The following SORT1 variants were observed in gnomAD, a reference collection of about 807,000 sequenced individuals.
SORT1 encodes the protein sortilin.
Under a neutral mutation model 101.7 loss-of-function variants are expected in SORT1, and 39 were observed. That is an observed-to-expected ratio of 0.38 (90% CI 0.30 to 0.50). The LOEUF is 0.50. Among genes scored for constraint, SORT1 ranks in the 20% least tolerant of loss-of-function variants. The probability of loss-of-function intolerance (pLI) is 0.90; values close to 1 mark genes in which losing one functional copy is unlikely to be tolerated. For synonymous variants in SORT1, 396 were observed against 393.7 expected (o/e 1.01, Z -0.07); for missense variants, 878 against 1,040.4 (o/e 0.84, Z 2.15).
intron 1 of SORT1, among the ~76,000 whole-genome samples, chr1:109,372,849 A>C (rs1651571053): frequency 6.6e-6 from 1 of 151,178 alleles, no homozygotes; most frequent in African/African-American, 2.4e-5. Context: ...CAGTGAGCCG[A>C]GAGCGCGCCA....
chr1:109,328,413 G>A (rs962103376), intron 11 of SORT1, among the ~76,000 whole-genome samples: 1 of 152,098 alleles, frequency 6.6e-6, no homozygotes, highest in Admixed American at 6.6e-5. Context: ...TAAAATAGTA[G>A]CCACCCTAAT....
intron 9 of SORT1, among the ~76,000 whole-genome samples, chr1:109,341,750 T>G (rs570477137): frequency 2.6e-5 from 4 of 152,200 alleles, no homozygotes; most frequent in African/African-American, 9.7e-5. Context: ...TCTGTACTTA[T>G]CTGGTAACAG....
intron 1 of SORT1, among the ~76,000 whole-genome samples, chr1:109,385,850 A>G (rs1247835857): frequency 6.6e-6 from 1 of 152,050 alleles, no homozygotes; most frequent in African/African-American, 2.4e-5. Context: ...TGTGGTTACT[A>G]TTTTTCTTCT....
chr1:109,348,068 T>C (rs1472165286), intron 6 of SORT1, among the ~76,000 whole-genome samples: 1 of 152,226 alleles, frequency 6.6e-6, no homozygotes, highest in Non-Finnish European at 1.5e-5. Flanking sequence ...TCCTACTATA[T>C]AAATTAGCTT....
At chr1:109,374,918 G>C (rs11102976) in intron 1 of SORT1, among the ~76,000 whole-genome samples, 106,160 of 152,116 alleles carry the variant, frequency 0.7, 37,613 homozygotes, top group East Asian at 0.96. Context: ...AAGATTGCAC[G>C]ACTGAACTCC....
chr1:109,377,786 G>T (rs999865688), intron 1 of SORT1, among the ~76,000 whole-genome samples: 1 of 152,246 alleles, frequency 6.6e-6, no homozygotes, highest in African/African-American at 2.4e-5. Context: ...AAGGCAATGA[G>T]AGAAGGCAGC....
chr1:109,353,967 C>T (rs1301162906), intron 5 of SORT1, among the ~76,000 whole-genome samples: 2 of 152,172 alleles, frequency 1.3e-5, no homozygotes, highest in South Asian at 2.1e-4. Context: ...GTTTTATAAA[C>T]TGAGGACATA....
intron 3 of SORT1, among the ~76,000 whole-genome samples, 172 bp from the exon 4 acceptor site, chr1:109,355,641 A>G (rs186408046): frequency 1.2e-5 from 1 of 84,102 alleles, no homozygotes; most frequent in Non-Finnish European, 2.3e-5. Context: ...AGAACATTCC[A>G]CCCGCCCCCC....
chr1:109,314,094 A>G lies in SORT1; in HGVS notation c.2482-37T>C, dbSNP rs561769514. 3.7e-6 allele frequency: 6 copies of G among 1,613,776 alleles called. No homozygotes were observed. The East Asian group carries it at 6.7e-5, about 18-fold the overall frequency. On this transcript the variant is annotated intron_variant, in intron 19 of 19. Transcript: ENST00000256637. Reference sequence around the variant, plus strand: ...ATGCACCATATTACCGACAGACCACAACACTCCTATTTCAAAAGCAATCAC... The same window carrying G: ...ATGCACCATATTACCGACAGACCACGACACTCCTATTTCAAAAGCAATCAC...
At position 109,363,222 on chromosome 1, in the gene SORT1, T is replaced by C. The variant is rs188131273; in HGVS notation, c.440+4186A>G. Among the ~76,000 whole-genome samples the C allele has an allele frequency of 1.7e-4, 26 of 152,322 alleles. No individual in the cohort carries two copies. In the East Asian group the frequency reaches 4.4e-3, roughly 26 times the overall value. On this transcript the variant is annotated intron_variant, in intron 3 of 19. Transcript: ENST00000256637. ...CTAAGTACATTATACAATGAAAAGT[T>C]GGACTCAAGACATCATAAAACAAAA...
chr1:109,332,532 T>A (rs974353215), intron 11 of SORT1, among the ~76,000 whole-genome samples: 1 of 152,150 alleles, frequency 6.6e-6, no homozygotes, highest in Non-Finnish European at 1.5e-5. Context: ...ATTATTCCAC[T>A]GGACCCCAGT....
intron 15 of SORT1, among the ~76,000 whole-genome samples, chr1:109,320,235 T>C (rs1320235828): frequency 3.3e-5 from 5 of 152,256 alleles, no homozygotes; most frequent in Non-Finnish European, 7.3e-5. Context: ...TCTTGAGTTC[T>C]AATCCTATAT....
intron 1 of SORT1, among the ~76,000 whole-genome samples, chr1:109,385,870 C>T (rs1652539377): frequency 6.6e-6 from 1 of 152,158 alleles, no homozygotes. Flanking sequence ...TTGGTAATTA[C>T]TACATTTATA....
At position 109,340,715 on chromosome 1, in the gene SORT1, G is replaced by A. The variant is rs111753098; in HGVS notation, c.1264+9C>T. On this transcript the variant is annotated intron_variant, in intron 10 of 19. Transcript: ENST00000256637. ...AGGCACAGTACACCACTGCGATGCC[G>A]AGACTCACCTTCGGAGAGCACGCTT... is the stretch of plus-strand genomic sequence containing the variant. 145 of 1,613,914 alleles carry A rather than the reference G, an allele frequency of 9.0e-5. No homozygotes were observed. In the African/African-American group the frequency reaches 1.5e-3, roughly 16 times the overall value.
intron 16 of SORT1, among the ~76,000 whole-genome samples, chr1:109,317,535 T>C (rs888500336): frequency 3.9e-5 from 6 of 152,178 alleles, no homozygotes; most frequent in Non-Finnish European, 8.8e-5. Context: ...GACGCTTCTG[T>C]CATTCTGCCT....
At chr1:109,385,240 T>C (rs1253871534) in intron 1 of SORT1, among the ~76,000 whole-genome samples, 3 of 152,196 alleles carry the variant, frequency 2.0e-5, no homozygotes, top group Non-Finnish European at 4.4e-5. Context: ...ACATTGACGA[T>C]TAAGTTCCTA....
In SORT1 at chr1:109,397,751, G is replaced by A; in HGVS notation, c.142C>T (p.Pro48Ser). 2 of 1,198,324 alleles carry A rather than the reference G, an allele frequency of 1.7e-6. No homozygotes were observed. The highest frequency in any genetic ancestry group is 1.0e-6 in the Non-Finnish European group (1 of 966,072). The allele number at this position is 1,198,324 out of a possible 1,614,324, so 74.2% of individuals were successfully genotyped here. The stretch of plus-strand genomic sequence containing the variant: ...ACCCCGATGGGGCCAGACCAGCGCG[G>A]CAGCGGCGCAGCGGGCGGCGGCGGC... ...DAPPPPAAPL[P>S]RWSGPIGVSW... The change falls in exon 1 of 20, where the codon CCG (proline) becomes TCG (serine). Residue 48 changes from proline to serine, a missense_variant. By Grantham distance (74) the Pro-to-Ser change is moderately conservative. Coordinates refer to ENST00000256637, the MANE Select transcript of SORT1 (RefSeq NM_002959.7).
At chr1:109,370,957 C>A (rs1479253916) in intron 1 of SORT1, among the ~76,000 whole-genome samples, 2 of 152,208 alleles carry the variant, frequency 1.3e-5, no homozygotes, top group Non-Finnish European at 2.9e-5. Flanking sequence ...AGAAACAGAA[C>A]TCAAAACATG....
chr1:109,376,793 T>C (rs1409405876), intron 1 of SORT1, among the ~76,000 whole-genome samples: 1 of 152,206 alleles, frequency 6.6e-6, no homozygotes, highest in African/African-American at 2.4e-5. Context: ...CTATGTTCAC[T>C]ACCTGAGTGA....
Sources: gnomAD v4.1 joint callset for allele counts (sites outside exome capture counted in the v4.1 genomes callset) on GRCh38, gnomAD v4.1.1 for gene constraint, MANE v1.5 for transcripts, NCBI Gene and HGNC (gene_info 2026-07-23, HGNC 2026-07-21) for gene names.